SGK1: variants seen among roughly 807,000 people sequenced by gnomAD.
SGK1 encodes the protein serum/glucocorticoid regulated kinase 1, also known as serine/threonine-protein kinase Sgk1.
In SGK1, 26 loss-of-function variants were observed where a neutral mutation model predicts 64.2. The ratio of observed to expected loss-of-function variants is 0.40; its 90% confidence interval spans 0.30 to 0.56. The LOEUF is 0.56. SGK1 is among the 20% of genes least tolerant of loss of function. The probability of loss-of-function intolerance (pLI) is 0.38; values close to 1 mark genes in which losing one functional copy is unlikely to be tolerated. For missense variants in SGK1, 519 were observed against 645.6 expected, an observed-to-expected ratio of 0.80 and a Z score of 2.12; for synonymous variants, 265 against 239.7, an observed-to-expected ratio of 1.11 and a Z score of -0.98.
At chr6:134,195,856 A>C (rs1775586853) in intron 3 of SGK1, among the ~76,000 whole-genome samples, 1 of 152,202 alleles carries the variant, frequency 6.6e-6, no homozygotes, top group African/African-American at 2.4e-5. Context: ...TCAGCAGAAA[A>C]AACAAGTTTG....
intron 2 of SGK1, chr6:134,215,065 G>A (rs1346703115): frequency 2.2e-6 from 1 of 455,950 alleles, no homozygotes; most frequent in Admixed American, 2.4e-5. Context: ...TTAGGGAGAT[G>A]TCAGTTGTCC....
intron 2 of SGK1, among the ~76,000 whole-genome samples, chr6:134,219,282 G>A (rs1776039976): frequency 6.6e-6 from 1 of 152,038 alleles, no homozygotes; most frequent in Non-Finnish European, 1.5e-5. Flanking sequence ...AAAGTGCTGA[G>A]ATTACAGGCA....
At chr6:134,236,769 C>G (rs1425370677) in intron 2 of SGK1, among the ~76,000 whole-genome samples, 1 of 152,102 alleles carries the variant, frequency 6.6e-6, no homozygotes, top group Non-Finnish European at 1.5e-5. Context: ...ATGTTAAAGC[C>G]TTTTTCTTTA....
intron 3 of SGK1, among the ~76,000 whole-genome samples, chr6:134,205,703 G>A (rs1775757970): frequency 1.3e-5 from 2 of 152,184 alleles, no homozygotes; most frequent in African/African-American, 2.4e-5. Flanking sequence ...TCTAATAGAG[G>A]CATAACAAGG....
At chr6:134,189,533 T>A (rs1369808649) in intron 3 of SGK1, among the ~76,000 whole-genome samples, 1 of 152,242 alleles carries the variant, frequency 6.6e-6, no homozygotes, top group African/African-American at 2.4e-5. Context: ...AATTACATCG[T>A]ACTCTCTACT....
intron 2 of SGK1, chr6:134,230,515 G>C (rs1206175642): frequency 2.0e-5 from 3 of 152,144 alleles, no homozygotes; most frequent in African/African-American, 2.4e-5. Flanking sequence ...AGGGGAAAGA[G>C]CCTCTTACAT....
intron 3 of SGK1, among the ~76,000 whole-genome samples, chr6:134,194,824 A>G (rs987422169): frequency 6.6e-6 from 1 of 152,170 alleles, no homozygotes. Context: ...CACCCGGCCT[A>G]CAAGTTTTTC....
At chr6:134,263,636 C>T (rs1436797695) in intron 1 of SGK1, among the ~76,000 whole-genome samples, 2 of 152,176 alleles carry the variant, frequency 1.3e-5, no homozygotes, top group Non-Finnish European at 2.9e-5. Context: ...GTCTTGCTTG[C>T]TTGTAAAATC....
chr6:134,303,691 G>T (rs1777492317), intron 1 of SGK1, among the ~76,000 whole-genome samples: 1 of 151,792 alleles, frequency 6.6e-6, no homozygotes, highest in Non-Finnish European at 1.5e-5. Context: ...GGCTGAGGTG[G>T]GACCATGACT....
intron 9 of SGK1, 140 bp from the exon 10 acceptor site, chr6:134,172,456 T>G (rs1028988111): frequency 1.1e-6 from 1 of 887,532 alleles, no homozygotes; most frequent in African/African-American, 1.7e-5. Flanking sequence ...GGAGCCCTTG[T>G]TCTGCTCATC....
chr6:134,282,892 C>G (rs1777115897), intron 1 of SGK1, among the ~76,000 whole-genome samples: 1 of 151,678 alleles, frequency 6.6e-6, no homozygotes. Context: ...GATTCTATTT[C>G]TCTGGAGAAC....
At chr6:134,257,706 A>G (rs1776705901) in intron 2 of SGK1, among the ~76,000 whole-genome samples, 1 of 152,174 alleles carries the variant, frequency 6.6e-6, no homozygotes, top group African/African-American at 2.4e-5. Flanking sequence ...GCTTGCCTGA[A>G]TTCCTCCATT....
chr6:134,316,176 G>A (rs937036055), intron 1 of SGK1, among the ~76,000 whole-genome samples: 38 of 152,284 alleles, frequency 2.5e-4, no homozygotes, highest in Admixed American at 8.5e-4. Flanking sequence ...GGGAGCCTTC[G>A]CTGGCCCTCT....
chr6:134,300,281 G>A (rs1436263781), intron 1 of SGK1, among the ~76,000 whole-genome samples: 1 of 151,718 alleles, frequency 6.6e-6, no homozygotes, highest in Non-Finnish European at 1.5e-5. Flanking sequence ...GCTCACGCCT[G>A]TAATCCCAGC....
rs869072819 is a variant in SGK1, at chr6:134,206,383, ATT to A, written c.361+971_361+972del. Among the ~76,000 whole-genome samples, 95 of 16,502 alleles carry A rather than the reference ATT, an allele frequency of 5.8e-3. 1 individual carries two copies. Among genetic ancestry groups the A allele is most frequent in the East Asian group, 0.013 (5 of 374 alleles). 10.8% of individuals were successfully genotyped at this position (16,502 alleles called of 152,430 possible). A position where few individuals can be genotyped will look rare whatever the true frequency, so the allele number is the denominator to read the frequency against. Reference sequence around the variant, plus strand: ...TATATATATATATATATATATATATATTTTTTTTTTTTTTTTTTTTTTTTAAA... The same window carrying A: ...TATATATATATATATATATATATATATTTTTTTTTTTTTTTTTTTTTTAAA... On this transcript the variant is annotated intron_variant, in intron 3 of 13. Transcript: ENST00000367858.
chr6:134,281,095 C>G (rs1777087190), intron 1 of SGK1, among the ~76,000 whole-genome samples: 1 of 152,086 alleles, frequency 6.6e-6, no homozygotes, highest in Non-Finnish European at 1.5e-5. Context: ...AATACCAGAT[C>G]CAATCTTTGG....
At chr6:134,175,494 G>T (rs1250471488) in intron 3 of SGK1, 3 of 1,407,952 alleles carry the variant, frequency 2.1e-6, no homozygotes, top group Non-Finnish European at 2.8e-6. Flanking sequence ...CCTCCAAGCC[G>T]CTCTGGGGAA....
chr6:134,202,420 G>C (rs1226618216), intron 3 of SGK1, among the ~76,000 whole-genome samples: 1 of 152,074 alleles, frequency 6.6e-6, no homozygotes. Context: ...GAGGTGAGTG[G>C]ATCACTTGAG....
At chr6:134,227,408 A>T (rs1204307596) in intron 2 of SGK1, among the ~76,000 whole-genome samples, 1 of 152,196 alleles carries the variant, frequency 6.6e-6, no homozygotes, top group African/African-American at 2.4e-5. Flanking sequence ...TGCTGGGATT[A>T]CAGGCGTGGG....
Sources: gnomAD v4.1 joint callset for allele counts (sites outside exome capture counted in the v4.1 genomes callset) on GRCh38, gnomAD v4.1.1 for gene constraint, MANE v1.5 for transcripts, NCBI Gene and HGNC (gene_info 2026-07-23, HGNC 2026-07-21) for gene names.